MMP20: variants seen among roughly 807,000 people sequenced by gnomAD.
The protein encoded by MMP20 is matrix metalloproteinase-20.
Under a neutral mutation model 51.8 loss-of-function variants are expected in MMP20, and 50 were observed. The observed-to-expected ratio is 0.97, with a 90% CI of 0.77 to 1.22. The LOEUF is 1.22. Ranked by LOEUF, MMP20 falls within the 50% of genes most tolerant of loss-of-function variation. The pLI is 0.00. For missense variants in MMP20, 663 were observed against 601.4 expected, an observed-to-expected ratio of 1.10 and a Z score of -1.07; for synonymous variants, 244 against 216.2, an observed-to-expected ratio of 1.13 and a Z score of -1.13.
intron 1 of MMP20, among the ~76,000 whole-genome samples, chr11:102,624,630 C>G (rs1323192587): frequency 1.3e-5 from 2 of 151,996 alleles, no homozygotes; most frequent in African/African-American, 4.8e-5. Flanking sequence ...TGTACATAAA[C>G]TTTTACTTCA....
intron 8 of MMP20, among the ~76,000 whole-genome samples, chr11:102,587,414 G>C (rs1328881785): frequency 6.6e-6 from 1 of 152,152 alleles, no homozygotes; most frequent in African/African-American, 2.4e-5. Flanking sequence ...TGAAAAGAAT[G>C]TGTATTCTGC....
intron 5 of MMP20, 61 bp downstream of exon 5, chr11:102,608,876 A>G: frequency 6.4e-7 from 1 of 1,552,158 alleles, no homozygotes; most frequent in Non-Finnish European, 8.9e-7. Flanking sequence ...ACTTTCTTTA[A>G]TTCGGAGACT....
At chr11:102,605,279 C>T (rs1353133135) in intron 6 of MMP20, 1 of 152,104 alleles carries the variant, frequency 6.6e-6, no homozygotes, top group Non-Finnish European at 1.5e-5. Context: ...TTCTTACCCT[C>T]CAAAACTGTG....
chr11:102,592,496 CAGAT>C (rs769097732), intron 8 of MMP20, among the ~76,000 whole-genome samples: 2 of 152,124 alleles, frequency 1.3e-5, no homozygotes, highest in African/African-American at 4.8e-5. Context: ...AAATATGAAT[CAGAT>C]AGAATAAGAT....
At chr11:102,621,555 C>T (rs1859751245) in intron 1 of MMP20, among the ~76,000 whole-genome samples, 1 of 152,172 alleles carries the variant, frequency 6.6e-6, no homozygotes, top group African/African-American at 2.4e-5. Context: ...TTAAATGTGA[C>T]AAAATACTTT....
At chr11:102,611,654 C>G (rs141434599) in intron 3 of MMP20, 101 bp downstream of exon 3, 120 of 1,436,524 alleles carry the variant, frequency 8.4e-5, no homozygotes, top group Non-Finnish European at 1.1e-4. Flanking sequence ...CAGCACTGTG[C>G]GAAGGAGGAG....
chr11:102,583,513 G>C (rs1859219544), intron 8 of MMP20: 1 of 152,086 alleles, frequency 6.6e-6, no homozygotes, highest in South Asian at 2.1e-4. Context: ...TGTTGTATAG[G>C]TCTGTAGGAG....
At chr11:102,602,141 T>TAGTAGAGACGGG (rs1859455919) in intron 6 of MMP20, among the ~76,000 whole-genome samples, 1 of 77,868 alleles carries the variant, frequency 1.3e-5, no homozygotes, top group Non-Finnish European at 2.7e-5. Flanking sequence ...TTTTTTTTTT[T>TAGTAGAGACGGG]GTATTTTTAG....
At position 102,593,572 on chromosome 11, in the gene MMP20, C is replaced by T. The variant is rs1315595202; in HGVS notation, c.1114G>A (p.Gly372Arg). The T allele has an allele frequency of 1.2e-6, 2 of 1,614,130 alleles. No individual in the cohort carries two copies. Among genetic ancestry groups the T allele is most frequent in the Admixed American group, 1.7e-5 (1 of 60,024 alleles). Residue 372 changes from glycine to arginine, a missense_variant, in exon 8 of 10, where the codon GGA becomes AGA. By Grantham distance (125) the Gly-to-Arg change is moderately radical. Transcript: ENST00000260228. ...FKGPHYWITR[G>R]FQMQGPPRTI... Reference sequence around the variant, plus strand: ...CGAGGAGGACCTTGCATTTGGAATCCTCTTGTTATCCAGTAGTGGGGACCT... The same window carrying T: ...CGAGGAGGACCTTGCATTTGGAATCTTCTTGTTATCCAGTAGTGGGGACCT...
intron 3 of MMP20, among the ~76,000 whole-genome samples, chr11:102,610,276 G>T (rs373440484): frequency 4.0e-5 from 6 of 149,768 alleles, no homozygotes; most frequent in African/African-American, 1.5e-4. Context: ...TTGGGTTATT[G>T]TTGCTATCAT....
At position 102,606,545 on chromosome 11, in the gene MMP20, A is replaced by C. The variant is rs1341892927; in HGVS notation, c.943T>G (p.Phe315Val). 1.2e-6 allele frequency: 2 copies of C among 1,613,960 alleles called. No homozygotes were observed. Residue 315 changes from phenylalanine (F) to valine (V), a missense_variant, in exon 6 of 10, where the codon TTC (phenylalanine) becomes GTC (valine). Coordinates refer to ENST00000260228, the MANE Select transcript of MMP20 (RefSeq NM_004771.4). ...VTMLGKELLL[F>V]KDRIFWRRQV... Reference sequence around the variant, plus strand: ...GTGTCTGAGGCTTACCGGTCCTTGAAGAGCAGGAGCTCCTTCCCCAGCATT... The same window carrying C: ...GTGTCTGAGGCTTACCGGTCCTTGACGAGCAGGAGCTCCTTCCCCAGCATT...
Position 102,579,044 on chromosome 11 carries a change from A to C in MMP20, c.1346T>G (p.Leu449Ter). Reference protein sequence around the residue: ...VNGQIDAAVELNGYIYFFSGP... With the variant: ...VNGQIDAAVE ...TTTTCAGTGGAAACACTTACCATTTAATTCTACAGCAGCATCGATTTGGCC... is the reference window on the plus strand; with the variant it reads ...TTTTCAGTGGAAACACTTACCATTTCATTCTACAGCAGCATCGATTTGGCC... Residue 449 changes from leucine (L) to a stop codon, truncating the protein, a stop_gained, in exon 9 of 10, where the codon TTA becomes TGA. Coordinates refer to ENST00000260228, the MANE Select transcript of MMP20 (RefSeq NM_004771.4). LOFTEE classifies it high-confidence loss of function. 6.2e-7 allele frequency: 1 copy of C among 1,606,512 alleles called. No individual in the cohort carries two copies. The highest frequency in any genetic ancestry group is 8.5e-7 in the Non-Finnish European group (1 of 1,173,088).
chr11:102,619,293 C>T (rs1445517706), intron 1 of MMP20, among the ~76,000 whole-genome samples: 1 of 152,116 alleles, frequency 6.6e-6, no homozygotes, highest in Non-Finnish European at 1.5e-5. Context: ...TCATTGATTT[C>T]AAATATTTTG....
At chr11:102,611,935 C>T (rs771153719) in intron 2 of MMP20, 32 bp from the exon 3 acceptor site, 3 of 1,609,382 alleles carry the variant, frequency 1.9e-6, no homozygotes, top group East Asian at 2.2e-5. Context: ...GTTTTCTTTT[C>T]AGTAACTGCT....
chr11:102,585,768 G>C (rs886416048), intron 8 of MMP20, among the ~76,000 whole-genome samples: 3 of 151,984 alleles, frequency 2.0e-5, no homozygotes, highest in African/African-American at 7.3e-5. Context: ...ATTTGAAAAC[G>C]GTTATTTTTA....
chr11:102,600,482 A>ATTAT (rs1050469095), intron 6 of MMP20, among the ~76,000 whole-genome samples: 4 of 151,844 alleles, frequency 2.6e-5, no homozygotes, highest in African/African-American at 9.7e-5. Flanking sequence ...TTTGCTTTTT[A>ATTAT]TTATTTATTT....
intron 8 of MMP20, among the ~76,000 whole-genome samples, chr11:102,593,145 T>G (rs1258141949): frequency 6.6e-6 from 1 of 152,212 alleles, no homozygotes; most frequent in Non-Finnish European, 1.5e-5. Context: ...TTGGTGATGC[T>G]GCATCTACGC....
At chr11:102,583,267 C>T (rs1859216733) in intron 8 of MMP20, among the ~76,000 whole-genome samples, 1 of 152,172 alleles carries the variant, frequency 6.6e-6, no homozygotes, top group Non-Finnish European at 1.5e-5. Context: ...AACTCCCAAA[C>T]CCATCATCTC....
chr11:102,577,751 T>C (rs953043818), intron 9 of MMP20, among the ~76,000 whole-genome samples: 1 of 152,234 alleles, frequency 6.6e-6, no homozygotes, highest in Admixed American at 6.5e-5. Flanking sequence ...TAGTTAAGCC[T>C]CCGGCCAATC....
Sources: gnomAD v4.1 joint callset for allele counts (sites outside exome capture counted in the v4.1 genomes callset) on GRCh38, gnomAD v4.1.1 for gene constraint, MANE v1.5 for transcripts, NCBI Gene and HGNC (gene_info 2026-07-23, HGNC 2026-07-21) for gene names.